Variants in ACTR3C observed in about 807,000 individuals in gnomAD.
ACTR3C encodes actin-related protein 3C.
In ACTR3C, 18 loss-of-function variants were observed where a neutral mutation model predicts 26.3. The observed-to-expected ratio is 0.68, with a 90% confidence interval of 0.47 to 1.01. The LOEUF (loss-of-function observed/expected upper bound fraction) is 1.01, where lower values mean the gene tolerates loss of function less well. Ranked by LOEUF, ACTR3C falls within the 50% of genes least tolerant of loss-of-function variation. The probability of loss-of-function intolerance (pLI) is 0.00; values close to 1 mark genes in which losing one functional copy is unlikely to be tolerated. For missense variants in ACTR3C, 184 were observed against 250.7 expected (o/e 0.73, Z 1.80); for synonymous variants, 55 against 94.5 (o/e 0.58, Z 2.42).
chr7:150,257,515 G>C (rs915028969), intron 6 of ACTR3C, among the ~76,000 whole-genome samples: 19 of 152,216 alleles, frequency 1.2e-4, no homozygotes, highest in African/African-American at 4.6e-4. Flanking sequence ...TTTGGAACAT[G>C]CTGGCCCTGA....
At chr7:150,242,955 A>T (rs1486757986), downstream of ACTR3C, among the ~76,000 whole-genome samples, 1 of 152,222 alleles carries the variant, frequency 6.6e-6, no homozygotes, top group African/African-American at 2.4e-5. Context: ...ATATGTTCTT[A>T]TCCTCTTTCT....
chr7:149,930,683 G>C, the ACTR3C span, among the ~76,000 whole-genome samples: 1 of 152,358 alleles, frequency 6.6e-6, no homozygotes, highest in Admixed American at 6.5e-5. Flanking sequence ...CTGTTCGCTG[G>C]TGTTTTCTTG....
At chr7:150,047,098 G>C in the ACTR3C span, among the ~76,000 whole-genome samples, 1 of 151,770 alleles carries the variant, frequency 6.6e-6, no homozygotes, top group African/African-American at 2.4e-5. Context: ...GAAGTAAGAA[G>C]AGGAACGAAG....
the ACTR3C span, among the ~76,000 whole-genome samples, chr7:150,137,259 A>G: frequency 6.6e-6 from 1 of 152,270 alleles, no homozygotes; most frequent in Non-Finnish European, 1.5e-5. Context: ...CAGCCACCCT[A>G]GGAGTACTAA....
At chr7:150,036,164 C>A in the ACTR3C span, among the ~76,000 whole-genome samples, 442 of 137,374 alleles carry the variant, frequency 3.2e-3, 35 homozygotes, top group South Asian at 0.034. Flanking sequence ...GGGTGCCTCC[C>A]CCCCCGCGAT....
the ACTR3C span, among the ~76,000 whole-genome samples, chr7:149,904,131 G>C: frequency 6.9e-6 from 1 of 145,976 alleles, no homozygotes; most frequent in African/African-American, 2.4e-5. Flanking sequence ...ATGTTGGTTG[G>C]GCTGGTCTCT....
chr7:150,249,144 A>T, intron 6 of ACTR3C, 90 bp from the exon 7 acceptor site: 1 of 443,378 alleles, frequency 2.3e-6, no homozygotes, highest in Non-Finnish European at 4.0e-6. Flanking sequence ...AGTCCAAGAT[A>T]AAACAGAAAA....
At chr7:150,245,571 T>C (rs1832420394), downstream of ACTR3C, 1 of 152,224 alleles carries the variant, frequency 6.6e-6, no homozygotes, top group African/African-American at 2.4e-5. Flanking sequence ...CACATGGCTC[T>C]ATCCAACTGC....
chr7:149,897,079 A>C, the ACTR3C span, among the ~76,000 whole-genome samples: 1 of 151,762 alleles, frequency 6.6e-6, no homozygotes, highest in Non-Finnish European at 1.5e-5. Flanking sequence ...AAAAAAAAAA[A>C]AAACAAGAGC....
the ACTR3C span, among the ~76,000 whole-genome samples, chr7:150,192,262 T>C: frequency 6.6e-6 from 1 of 151,774 alleles, no homozygotes; most frequent in African/African-American, 2.4e-5. Flanking sequence ...TTCTATCTTC[T>C]CTGCTTTTTA....
chr7:150,228,059 T>C, the ACTR3C span, among the ~76,000 whole-genome samples: 14 of 152,156 alleles, frequency 9.2e-5, no homozygotes, highest in Admixed American at 8.5e-4. Context: ...GATATTTGAA[T>C]TGTAATTCCA....
the ACTR3C span, among the ~76,000 whole-genome samples, chr7:149,972,905 C>T: frequency 1.3e-5 from 2 of 150,802 alleles, no homozygotes; most frequent in East Asian, 3.9e-4. Context: ...GCATGTCTGT[C>T]CCCATGTAAT....
the ACTR3C span, among the ~76,000 whole-genome samples, chr7:150,153,932 A>G: frequency 6.7e-6 from 1 of 149,198 alleles, no homozygotes; most frequent in Non-Finnish European, 1.5e-5. Flanking sequence ...AGGGACATGG[A>G]TGAAATTGGA....
the ACTR3C span, among the ~76,000 whole-genome samples, chr7:150,048,289 C>G: frequency 1.3e-5 from 2 of 152,070 alleles, no homozygotes; most frequent in African/African-American, 4.8e-5. Context: ...CGCTCCCCGC[C>G]CCCAGGCCCC....
the ACTR3C span, among the ~76,000 whole-genome samples, chr7:149,978,549 A>G: frequency 6.6e-6 from 1 of 152,114 alleles, no homozygotes; most frequent in Non-Finnish European, 1.5e-5. Flanking sequence ...TGTTCCTGCC[A>G]TCTCAGATAT....
chr7:150,038,039 TG>T, the ACTR3C span, among the ~76,000 whole-genome samples: 1 of 129,948 alleles, frequency 7.7e-6, no homozygotes, highest in Non-Finnish European at 1.7e-5. Context: ...CCAAGAGCCA[TG>T]GGGGGAAGAG....
chr7:150,068,764 CAG>C, the ACTR3C span, among the ~76,000 whole-genome samples: 3 of 114,670 alleles, frequency 2.6e-5, no homozygotes, highest in African/African-American at 3.6e-5. Context: ...GCCTGGGTGA[CAG>C]AGCGAGACTC....
chr7:150,062,595 A>T, the ACTR3C span, among the ~76,000 whole-genome samples: 6 of 150,702 alleles, frequency 4.0e-5, no homozygotes, highest in Admixed American at 1.3e-4. Flanking sequence ...ATTATATGTA[A>T]GAACTGCTGA....
the ACTR3C span, among the ~76,000 whole-genome samples, chr7:150,176,085 A>G: frequency 1.3e-5 from 2 of 150,876 alleles, no homozygotes; most frequent in East Asian, 1.9e-4. Flanking sequence ...AAGAGTATCA[A>G]TGAAACCCCA....
Sources: allele counts gnomAD v4.1 joint callset (sites outside exome capture counted in the v4.1 genomes callset), GRCh38; gene constraint gnomAD v4.1.1; transcripts MANE v1.5; gene names NCBI Gene and HGNC (gene_info 2026-07-23, HGNC 2026-07-21).